Variants in MTMR10 observed in about 807,000 individuals in gnomAD.
The protein encoded by MTMR10 is myotubularin-related protein 10.
A neutral mutation model predicts 88.1 loss-of-function variants in MTMR10; 56 were observed. That is an observed-to-expected ratio of 0.64 (90% CI 0.51 to 0.79). The LOEUF (loss-of-function observed/expected upper bound fraction) is 0.79, where lower values mean the gene tolerates loss of function less well. Among genes scored for constraint, MTMR10 ranks in the 30% least tolerant of loss-of-function variants. The pLI is 0.00. For synonymous variants in MTMR10, 380 were observed against 340.9 expected, an observed-to-expected ratio of 1.11 and a Z score of -1.26; for missense variants, 883 against 924.7, an observed-to-expected ratio of 0.95 and a Z score of 0.58.
rs143917949 is a variant in MTMR10, at chr15:30,966,418, A to C, written c.565+1502T>G. On this transcript the variant is annotated intron_variant, in intron 6 of 15. Transcript: ENST00000435680. Reference sequence around the variant, plus strand: ...GTCTTTGCTGAGCCCAAGTCACTACATTACTGTAGAAGTTATGGATCTGTA... The same window carrying C: ...GTCTTTGCTGAGCCCAAGTCACTACCTTACTGTAGAAGTTATGGATCTGTA... Among the ~76,000 whole-genome samples the C allele has an allele frequency of 2.0e-4, 30 of 152,336 alleles. No homozygotes were observed. The East Asian group carries it at 5.6e-3, about 28-fold the overall frequency.
chr15:30,925,878 G>T, the MTMR10 span: 1 of 1,614,070 alleles, frequency 6.2e-7, no homozygotes, highest in African/African-American at 1.3e-5. Flanking sequence ...ACCCCACCAC[G>T]GTCCTGTGCT....
chr15:30,955,351 A>G (rs2063308360), intron 9 of MTMR10, among the ~76,000 whole-genome samples: 1 of 151,444 alleles, frequency 6.6e-6, no homozygotes, highest in Non-Finnish European at 1.5e-5. Context: ...GCTCACTGCA[A>G]CCTCCCCCTC....
chr15:30,928,414 G>A, the MTMR10 span: 4 of 1,487,778 alleles, frequency 2.7e-6, no homozygotes, highest in Non-Finnish European at 3.6e-6. Flanking sequence ...AACAGCATTT[G>A]CTTCTGAATC....
chr15:30,971,735 G>C (rs1296740404), intron 5 of MTMR10, among the ~76,000 whole-genome samples: 1 of 152,128 alleles, frequency 6.6e-6, no homozygotes, highest in East Asian at 1.9e-4. Flanking sequence ...TTGCCCTTCA[G>C]TTTTGAGCAA....
chr15:30,944,938 G>T (rs2063148412), intron 14 of MTMR10, among the ~76,000 whole-genome samples: 1 of 151,706 alleles, frequency 6.6e-6, no homozygotes, highest in Admixed American at 6.6e-5. Context: ...CTTGGACCCA[G>T]GAGGCAGAGG....
intron 9 of MTMR10, among the ~76,000 whole-genome samples, chr15:30,956,575 G>A (rs1733277628): frequency 1.3e-5 from 2 of 152,226 alleles, no homozygotes; most frequent in African/African-American, 2.4e-5. Context: ...TAGTGCAAGG[G>A]CCCTGTGGCA....
the MTMR10 span, chr15:30,930,400 G>T: frequency 1.1e-6 from 1 of 916,872 alleles, no homozygotes; most frequent in Non-Finnish European, 1.5e-6. Flanking sequence ...GGTACAAGCA[G>T]CAGAACAGCG....
At chr15:30,953,486 AT>A in intron 11 of MTMR10, 75 bp downstream of exon 11, 1 of 1,148,190 alleles carries the variant, frequency 8.7e-7, no homozygotes, top group African/African-American at 1.6e-5. Context: ...CCTCTGTGCT[AT>A]TTTTGTACCT....
chr15:30,919,247 G>A, the MTMR10 span, among the ~76,000 whole-genome samples: 61 of 151,878 alleles, frequency 4.0e-4, no homozygotes, highest in Non-Finnish European at 7.5e-4. Flanking sequence ...AGGCCTGGTG[G>A]TGCCTGCCTG....
chr15:30,937,382 G>A (rs1304284922), downstream of MTMR10: 45 of 851,560 alleles, frequency 5.3e-5, 1 homozygote, highest in South Asian at 7.6e-4. Flanking sequence ...ATTTTACAGT[G>A]TCTGCATATC....
chr15:30,922,278 A>G, the MTMR10 span: 1 of 1,613,796 alleles, frequency 6.2e-7, no homozygotes, highest in Non-Finnish European at 8.5e-7. Flanking sequence ...CAGAGAATTT[A>G]TTGTCCTGAC....
chr15:30,943,927 G>A (rs1408811724), intron 14 of MTMR10: 11 of 985,262 alleles, frequency 1.1e-5, no homozygotes, highest in Non-Finnish European at 1.3e-5. Context: ...ACAACAGTTC[G>A]CTGGAGGAAA....
In MTMR10 at chr15:30,941,868, G is replaced by A. The variant is rs2140986766; in HGVS notation, c.1936C>T (p.Leu646=). Residue 646 remains leucine, a synonymous_variant, in exon 16 of 16, where the codon CTG becomes TTG. Transcript: ENST00000435680. ...SKPANLHGVI[L]PRVSGTHIKL... is the part of the protein sequence containing the mutation. Reference sequence around the variant, plus strand: ...ATGTGTGTTCCAGAGACACGTGGCAGAATAACACCGTGCAGGTTGGCGGGT... The same window carrying A: ...ATGTGTGTTCCAGAGACACGTGGCAAAATAACACCGTGCAGGTTGGCGGGT... 9 of 1,614,056 alleles carry A rather than the reference G, an allele frequency of 5.6e-6. No individual in the cohort carries two copies. The East Asian group carries it at 2.0e-4, about 36-fold the overall frequency.
chr15:30,991,038 T>C (rs1277357899), intron 1 of MTMR10, among the ~76,000 whole-genome samples: 2 of 152,190 alleles, frequency 1.3e-5, no homozygotes, highest in African/African-American at 2.4e-5. Flanking sequence ...ATGTTTAAAC[T>C]GCCAGTGTCG....
At chr15:30,920,564 C>T in the MTMR10 span, 2 of 1,610,794 alleles carry the variant, frequency 1.2e-6, no homozygotes, top group Admixed American at 1.7e-5. Context: ...AGATTTACCA[C>T]TCTTCCTGCG....
intron 12 of MTMR10, among the ~76,000 whole-genome samples, chr15:30,951,228 ACTAG>A (rs1193624076): frequency 2.6e-5 from 4 of 152,250 alleles, no homozygotes; most frequent in African/African-American, 9.6e-5. Flanking sequence ...ATATTACATT[ACTAG>A]CTATTCAGCA....
At chr15:30,978,297 T>C (rs1293296700) in intron 2 of MTMR10, among the ~76,000 whole-genome samples, 1 of 152,174 alleles carries the variant, frequency 6.6e-6, no homozygotes, top group African/African-American at 2.4e-5. Flanking sequence ...TCCATGAGGG[T>C]AGAAGATGGA....
Position 30,940,742 on chromosome 15 carries a change from T to C in MTMR10, c.*728A>G. ...TAGTATGAAAAGCCTATTTCAAATATGCAATGGGATTTTCCCACCCCAATT... is the reference window on the plus strand; with the variant it reads ...TAGTATGAAAAGCCTATTTCAAATACGCAATGGGATTTTCCCACCCCAATT... On this transcript the variant is annotated 3_prime_UTR_variant, in exon 16 of 16. Coordinates refer to ENST00000435680, the MANE Select transcript of MTMR10 (RefSeq NM_017762.3). 2.0e-6 allele frequency: 2 copies of C among 990,032 alleles called. No individual in the cohort carries two copies. Among genetic ancestry groups the C allele is most frequent in the African/African-American group, 1.7e-5 (1 of 57,374 alleles). 61.3% of individuals were successfully genotyped at this position (990,032 alleles called of 1,614,324 possible).
At chr15:30,934,629 C>G (rs1277876771), downstream of MTMR10, among the ~76,000 whole-genome samples, 1 of 152,180 alleles carries the variant, frequency 6.6e-6, no homozygotes, top group Admixed American at 6.5e-5. Context: ...AGTTCACCTG[C>G]CGTGGTCTCT....
Sources: gnomAD v4.1 joint callset for allele counts (sites outside exome capture counted in the v4.1 genomes callset) on GRCh38, gnomAD v4.1.1 for gene constraint, MANE v1.5 for transcripts, NCBI Gene and HGNC (gene_info 2026-07-23, HGNC 2026-07-21) for gene names.